Variants in ABCC4 observed in about 807,000 individuals in gnomAD.
The protein encoded by ABCC4 is ATP binding cassette subfamily C member 4 (PEL blood group).
Under a neutral mutation model 168.5 loss-of-function variants are expected in ABCC4, and 102 were observed. The observed-to-expected ratio is 0.61, with a 90% CI of 0.52 to 0.71. The LOEUF (loss-of-function observed/expected upper bound fraction) is 0.71, where lower values mean the gene tolerates loss of function less well. ABCC4 is among the 30% of genes least tolerant of loss of function. ABCC4 has a pLI of 0.00. For synonymous variants in ABCC4, 617 were observed against 590.7 expected (o/e 1.04, Z -0.65); for missense variants, 1,402 against 1,605.8 (o/e 0.87, Z 2.17).
intron 1 of ABCC4, among the ~76,000 whole-genome samples, chr13:95,274,311 T>C (rs1159063157): frequency 6.6e-6 from 1 of 152,166 alleles, no homozygotes; most frequent in Non-Finnish European, 1.5e-5. Flanking sequence ...GGGGAGAGAC[T>C]GTCCTTCCCA....
At chr13:95,192,881 T>C (rs1268886542) in intron 9 of ABCC4, among the ~76,000 whole-genome samples, 2 of 152,126 alleles carry the variant, frequency 1.3e-5, no homozygotes, top group East Asian at 3.9e-4. Flanking sequence ...ATCACAGCAC[T>C]GCACTCCAGC....
chr13:95,058,567 C>CAAAAAAAAAAAAAAAAAAAAAAA (rs1165324016), intron 26 of ABCC4, among the ~76,000 whole-genome samples: 1 of 62,792 alleles, frequency 1.6e-5, no homozygotes, highest in African/African-American at 5.7e-5. Context: ...GACTCCATCT[C>CAAAAAAAAAAAAAAAAAAAAAAA]AAAAAAAAAA....
intron 8 of ABCC4, among the ~76,000 whole-genome samples, chr13:95,200,971 G>A (rs771444736): frequency 6.6e-6 from 1 of 152,158 alleles, no homozygotes; most frequent in Non-Finnish European, 1.5e-5. Flanking sequence ...CCATGAAGGA[G>A]TTTACCATAC....
chr13:95,191,921 G>T (rs1463018616), intron 9 of ABCC4, among the ~76,000 whole-genome samples: 2 of 152,228 alleles, frequency 1.3e-5, no homozygotes, highest in African/African-American at 4.8e-5. Flanking sequence ...CAGCACTGGT[G>T]GGCTGCAGCC....
chr13:95,163,808 G>A (rs1000851258), intron 16 of ABCC4, among the ~76,000 whole-genome samples, 161 bp from the exon 17 acceptor site: 3 of 152,122 alleles, frequency 2.0e-5, no homozygotes, highest in Admixed American at 6.5e-5. Context: ...TGAGGCAGGC[G>A]GATCAACTTA....
intron 19 of ABCC4, among the ~76,000 whole-genome samples, chr13:95,124,799 A>G (rs535671960): frequency 6.6e-6 from 1 of 150,782 alleles, no homozygotes; most frequent in East Asian, 1.9e-4. Context: ...AATTGCCTGA[A>G]CCTGGGAGGC....
At chr13:95,149,108 T>C (rs1224775839) in intron 19 of ABCC4, 1 of 152,216 alleles carries the variant, frequency 6.6e-6, no homozygotes, top group African/African-American at 2.4e-5. Flanking sequence ...ACGATAAAAC[T>C]GCTGATGGCT....
intron 19 of ABCC4, among the ~76,000 whole-genome samples, chr13:95,132,048 C>T (rs2035985755): frequency 6.6e-6 from 1 of 152,132 alleles, no homozygotes; most frequent in Admixed American, 6.5e-5. Context: ...GCAGAAGCAA[C>T]CCAAGACATC....
intron 29 of ABCC4, among the ~76,000 whole-genome samples, chr13:95,042,604 A>G (rs1478997894): frequency 5.9e-5 from 9 of 152,258 alleles, no homozygotes; most frequent in Admixed American, 5.2e-4. Context: ...GGTTCTCAAA[A>G]TCTACCTAGA....
intron 4 of ABCC4, among the ~76,000 whole-genome samples, chr13:95,218,606 C>G (rs1285816907): frequency 6.6e-6 from 1 of 152,066 alleles, no homozygotes; most frequent in Non-Finnish European, 1.5e-5. Context: ...AATCCCAGCA[C>G]TTTAGAAGAC....
Position 95,301,400 on chromosome 13 carries a change from A to G in ABCC4, c.-86T>C. On this transcript the variant is annotated 5_prime_UTR_variant, in exon 1 of 31. Coordinates refer to ENST00000645237, the MANE Select transcript of ABCC4 (RefSeq NM_005845.5). ...CTCCGCTCCTGGACCTCAAGCAGGG[A>G]TGCTGGGGCTCCGGCCGCCACGCCT... The G allele has an allele frequency of 8.2e-7, 1 of 1,221,860 alleles. No individual in the cohort carries two copies. The highest frequency in any genetic ancestry group is 1.1e-6 in the Non-Finnish European group (1 of 898,100). The allele number at this position is 1,221,860 out of a possible 1,614,324, so 75.7% of individuals were successfully genotyped here.
intron 19 of ABCC4, among the ~76,000 whole-genome samples, chr13:95,142,500 G>A (rs180841743): frequency 6.6e-6 from 1 of 151,750 alleles, no homozygotes; most frequent in Non-Finnish European, 1.5e-5. Context: ...TTGGGTGAAG[G>A]GTGCACCAAA....
intron 25 of ABCC4, among the ~76,000 whole-genome samples, chr13:95,070,696 G>C (rs746028427): frequency 3.9e-5 from 6 of 152,106 alleles, no homozygotes; most frequent in Admixed American, 1.3e-4. Flanking sequence ...GTCTTCCCTT[G>C]GGGGCTGAGA....
In ABCC4 at chr13:95,244,664, A is replaced by G. The variant is rs1173687052; in HGVS notation, c.306+2311T>C. Among the ~76,000 whole-genome samples, 6 of 19,964 alleles carry G rather than the reference A, an allele frequency of 3.0e-4. 2 individuals are homozygous for G. The highest frequency in any genetic ancestry group is 6.8e-4 in the Non-Finnish European group (6 of 8,814). The allele number at this position is 19,964 out of a possible 152,430, so 13.1% of individuals were successfully genotyped here. ...AAGAAAGAAAGAAAGAAAGAAAGAAAGAAAGAAATCATAGCAGTTCCTGGT... is the reference window on the plus strand; with the variant it reads ...AAGAAAGAAAGAAAGAAAGAAAGAAGGAAAGAAATCATAGCAGTTCCTGGT... On this transcript the variant is annotated intron_variant, in intron 3 of 30. Transcript: ENST00000645237.
At position 95,218,949 on chromosome 13, in the gene ABCC4, G is replaced by GA. The variant is rs1164518333; in HGVS notation, c.532-8169dup. On this transcript the variant is annotated intron_variant, in intron 4 of 30. Coordinates refer to ENST00000645237, the MANE Select transcript of ABCC4 (RefSeq NM_005845.5). ...AAAGAGAAAGAAAGAAAGAAAGAAA[G>GA]AAAGAAAGAAAGAAAGAAAGAAAGA... 1.4e-3 allele frequency among the ~76,000 whole-genome samples: 45 copies of GA among 32,430 alleles called. 1 individual carries two copies. The highest frequency in any genetic ancestry group is 6.9e-3 in the African/African-American group (39 of 5,620). The allele number at this position is 32,430 out of a possible 152,430, so 21.3% of individuals were successfully genotyped here.
chr13:95,068,183 G>T (rs2033610649), intron 25 of ABCC4, among the ~76,000 whole-genome samples: 1 of 152,182 alleles, frequency 6.6e-6, no homozygotes, highest in South Asian at 2.1e-4. Context: ...ACAGCAAAGG[G>T]ACTGCCTGAG....
chr13:95,027,559 A>G (rs1022355706), intron 30 of ABCC4, among the ~76,000 whole-genome samples: 3 of 152,192 alleles, frequency 2.0e-5, no homozygotes, highest in Admixed American at 1.3e-4. Flanking sequence ...AGAAAGTATC[A>G]TTTAAAGAAA....
chr13:95,153,506 G>A (rs1275462462), intron 19 of ABCC4, among the ~76,000 whole-genome samples: 3 of 152,156 alleles, frequency 2.0e-5, no homozygotes, highest in African/African-American at 7.2e-5. Flanking sequence ...ACAAATACAT[G>A]CAGGTATCAC....
At chr13:95,292,416 C>A (rs562104850) in intron 1 of ABCC4, among the ~76,000 whole-genome samples, 1 of 151,986 alleles carries the variant, frequency 6.6e-6, no homozygotes, top group Non-Finnish European at 1.5e-5. Context: ...TACTATGAGG[C>A]GAGCATATGA....
Sources: gnomAD v4.1 joint callset for allele counts (sites outside exome capture counted in the v4.1 genomes callset) on GRCh38, gnomAD v4.1.1 for gene constraint, MANE v1.5 for transcripts, NCBI Gene and HGNC (gene_info 2026-07-23, HGNC 2026-07-21) for gene names.